PCLO: variants seen among roughly 807,000 people sequenced by gnomAD.
The protein encoded by PCLO is piccolo presynaptic cytomatrix protein, also known as protein piccolo.
PCLO carries 82 observed loss-of-function variants against 427.5 expected under a neutral mutation model. The observed-to-expected ratio is 0.19, with a 90% CI of 0.16 to 0.23. The LOEUF (loss-of-function observed/expected upper bound fraction) is 0.23. Among genes scored for constraint, PCLO ranks in the 10% least tolerant of loss-of-function variants. The pLI is 1.00. For missense variants in PCLO, 6,239 were observed against 6,115.9 expected, an observed-to-expected ratio of 1.02 and a Z score of -0.67; for synonymous variants, 2,357 against 2,155.4, an observed-to-expected ratio of 1.09 and a Z score of -2.59.
At chr7:83,083,528 T>C (rs1045795887) in intron 3 of PCLO, among the ~76,000 whole-genome samples, 1 of 152,012 alleles carries the variant, frequency 6.6e-6, no homozygotes, top group Non-Finnish European at 1.5e-5. Flanking sequence ...ATCTAGACAA[T>C]CTGTTTTCCC....
At chr7:82,985,155 C>T (rs1796230432) in intron 3 of PCLO, among the ~76,000 whole-genome samples, 1 of 151,860 alleles carries the variant, frequency 6.6e-6, no homozygotes, top group African/African-American at 2.4e-5. Context: ...CTGAAAATGT[C>T]CTCAATAAAG....
intron 3 of PCLO, among the ~76,000 whole-genome samples, chr7:83,087,322 C>T (rs13233290): frequency 0.49 from 74,159 of 151,504 alleles, 18,287 homozygotes; most frequent in Middle Eastern, 0.51. Flanking sequence ...GGGAGGAGGG[C>T]GACAGATTAA....
chr7:82,953,360 G>T lies in PCLO; in HGVS notation c.7593C>A (p.Pro2531=). 17 of 1,613,744 alleles carry T rather than the reference G, an allele frequency of 1.1e-5. No individual in the cohort carries two copies. The highest frequency in any genetic ancestry group is 1.4e-5 in the Non-Finnish European group (17 of 1,179,840). The change falls in exon 5 of 25, where the codon CCC becomes CCA. Residue 2531 remains proline, a synonymous_variant. Coordinates refer to ENST00000333891, the MANE Select transcript of PCLO (RefSeq NM_033026.6). Reference sequence around the variant, plus strand: ...AAGTTAAAGATAGGCCTGTTGGTTTGGGGTGTATATCTGTTGGTTTTTGTG... The same window carrying T: ...AAGTTAAAGATAGGCCTGTTGGTTTTGGGTGTATATCTGTTGGTTTTTGTG... The part of the protein sequence containing the change: ...TTTQKPTDIH[P]KPTGLSLTSS...
intron 22 of PCLO, among the ~76,000 whole-genome samples, chr7:82,776,529 T>C (rs1052390253): frequency 6.6e-6 from 1 of 152,220 alleles, no homozygotes. Context: ...GGATGGTGAC[T>C]CATGCCTGTA....
intron 22 of PCLO, among the ~76,000 whole-genome samples, chr7:82,779,746 C>CTTTTTTTTTTTTT (rs397976054): frequency 7.4e-6 from 1 of 134,392 alleles, no homozygotes; most frequent in Non-Finnish European, 1.6e-5. Flanking sequence ...TTCTTTCTTT[C>CTTTTTTTTTTTTT]TTTTTTTTTT....
At chr7:82,848,193 G>T (rs1015463932) in intron 10 of PCLO, among the ~76,000 whole-genome samples, 2 of 151,708 alleles carry the variant, frequency 1.3e-5, no homozygotes, top group Non-Finnish European at 1.5e-5. Context: ...ATGTGAACTG[G>T]GTACAGTAGA....
chr7:82,856,053 A>G (rs1317457933), intron 10 of PCLO, among the ~76,000 whole-genome samples: 1 of 152,126 alleles, frequency 6.6e-6, no homozygotes, highest in Non-Finnish European at 1.5e-5. Context: ...TTATCAGGAA[A>G]GTGTGCTAGC....
intron 20 of PCLO, among the ~76,000 whole-genome samples, chr7:82,809,152 A>C (rs1791516321): frequency 6.6e-6 from 1 of 151,880 alleles, no homozygotes. Context: ...TTAGGACTTT[A>C]TTATCTGAGG....
At chr7:82,922,510 T>A (rs1794620905) in intron 6 of PCLO, among the ~76,000 whole-genome samples, 1 of 152,098 alleles carries the variant, frequency 6.6e-6, no homozygotes, top group African/African-American at 2.4e-5. Flanking sequence ...TACCACATGT[T>A]GTCACCTATA....
intron 22 of PCLO, among the ~76,000 whole-genome samples, chr7:82,777,323 A>G (rs1790775474): frequency 1.3e-5 from 2 of 152,180 alleles, no homozygotes; most frequent in Admixed American, 1.3e-4. Flanking sequence ...AAATGACCAT[A>G]TTGCCCAAAG....
chr7:82,894,555 G>C (rs1793854143), intron 9 of PCLO: 1 of 152,072 alleles, frequency 6.6e-6, no homozygotes, highest in South Asian at 2.1e-4. Context: ...AACAGCACGA[G>C]AAAAACTCGC....
At chr7:82,912,272 T>A (rs1364074859) in intron 7 of PCLO, among the ~76,000 whole-genome samples, 2 of 151,890 alleles carry the variant, frequency 1.3e-5, no homozygotes, top group Non-Finnish European at 2.9e-5. Context: ...GTAGGAATTA[T>A]TGATTGGAAA....
At chr7:83,117,786 G>A (rs959563503) in intron 3 of PCLO, among the ~76,000 whole-genome samples, 3 of 152,180 alleles carry the variant, frequency 2.0e-5, no homozygotes, top group Non-Finnish European at 1.5e-5. Context: ...GGAGTCTCAT[G>A]TCTACAGTTG....
chr7:82,830,801 A>G (rs1347933798), intron 16 of PCLO, among the ~76,000 whole-genome samples: 1 of 152,050 alleles, frequency 6.6e-6, no homozygotes, highest in African/African-American at 2.4e-5. Context: ...AGTCTGAAGT[A>G]GTATTAAAAT....
intron 3 of PCLO, among the ~76,000 whole-genome samples, chr7:83,074,670 T>C (rs192526615): frequency 1.6e-4 from 25 of 152,246 alleles, no homozygotes; most frequent in Admixed American, 1.4e-3. Flanking sequence ...ATTAGATGAA[T>C]TGTCACTAGA....
At chr7:82,770,646 A>G (rs552973116) in intron 22 of PCLO, among the ~76,000 whole-genome samples, 4 of 152,002 alleles carry the variant, frequency 2.6e-5, no homozygotes, top group African/African-American at 7.2e-5. Context: ...ATAATTTCCA[A>G]TGAGGTGTAT....
intron 16 of PCLO, among the ~76,000 whole-genome samples, chr7:82,831,793 C>T (rs1323275636): frequency 6.6e-6 from 1 of 152,108 alleles, no homozygotes; most frequent in Non-Finnish European, 1.5e-5. Flanking sequence ...GTATTTTTTG[C>T]CCTTGCATTT....
chr7:83,143,951 G>A (rs536184603), intron 2 of PCLO, among the ~76,000 whole-genome samples: 2 of 152,214 alleles, frequency 1.3e-5, no homozygotes, highest in African/African-American at 4.8e-5. Context: ...TTATTGCATT[G>A]TCCTCTTATT....
intron 22 of PCLO, among the ~76,000 whole-genome samples, chr7:82,762,945 C>A (rs931057182): frequency 4.6e-5 from 7 of 151,902 alleles, no homozygotes; most frequent in African/African-American, 1.7e-4. Flanking sequence ...TACCTCACTT[C>A]TTTTTTCCTT....
Sources: gnomAD v4.1 joint callset for allele counts (sites outside exome capture counted in the v4.1 genomes callset) on GRCh38, gnomAD v4.1.1 for gene constraint, MANE v1.5 for transcripts, NCBI Gene and HGNC (gene_info 2026-07-23, HGNC 2026-07-21) for gene names.